TPRG1: variants seen among roughly 807,000 people sequenced by gnomAD.
TPRG1 encodes tumor protein p63-regulated gene 1 protein.
A neutral mutation model predicts 29.3 loss-of-function variants in TPRG1; 29 were observed. That is an observed-to-expected ratio of 0.99 (90% confidence interval 0.74 to 1.35). The LOEUF (loss-of-function observed/expected upper bound fraction) is 1.35. Ranked by LOEUF, TPRG1 falls within the 40% of genes most tolerant of loss-of-function variation. The probability of loss-of-function intolerance (pLI) is 0.00; values close to 1 mark genes in which losing one functional copy is unlikely to be tolerated. For missense variants in TPRG1, 327 were observed against 335.0 expected (o/e 0.98, Z 0.19); for synonymous variants, 130 against 116.8 (o/e 1.11, Z -0.73).
chr3:189,097,006 T>C (rs576877561), upstream of TPRG1, among the ~76,000 whole-genome samples: 5 of 152,350 alleles, frequency 3.3e-5, no homozygotes, highest in Admixed American at 3.3e-4. Context: ...TTGTACTCAG[T>C]TATATTAAAA....
chr3:189,033,222 C>G (rs953340025), intron 4 of TPRG1, among the ~76,000 whole-genome samples: 2 of 150,986 alleles, frequency 1.3e-5, no homozygotes, highest in Non-Finnish European at 2.9e-5. Flanking sequence ...TTCTCTATTA[C>G]TACAGAAAAA....
chr3:189,287,243 A>G (rs1454212413), intron 4 of TPRG1, among the ~76,000 whole-genome samples: 2 of 152,040 alleles, frequency 1.3e-5, no homozygotes, highest in Non-Finnish European at 2.9e-5. Context: ...TGAAGAAAAG[A>G]TCTTCCTTGG....
intron 4 of TPRG1, among the ~76,000 whole-genome samples, chr3:189,262,002 T>C (rs1043472549): frequency 3.3e-5 from 5 of 152,066 alleles, no homozygotes; most frequent in Admixed American, 6.6e-5. Context: ...TTGAAGGTTT[T>C]TGGGGAGGAG....
At chr3:189,215,168 A>T in intron 2 of TPRG1, 124 bp from the exon 3 acceptor site, 1 of 669,704 alleles carries the variant, frequency 1.5e-6, no homozygotes, top group South Asian at 2.6e-5. Flanking sequence ...GCATACAGGC[A>T]ACTGCATAAA....
chr3:189,241,028 G>A lies in TPRG1; in HGVS notation c.479+2119G>A, dbSNP rs527247867. The stretch of plus-strand genomic sequence containing the variant: ...TCATTGATGTATATCTATTTTTACC[G>A]TTGCTACTACAAAGTGCTGCTACAA... On this transcript the variant is annotated intron_variant, in intron 4 of 5. Coordinates refer to ENST00000345063, the MANE Select transcript of TPRG1 (RefSeq NM_198485.4). 1.2e-4 allele frequency among the ~76,000 whole-genome samples: 18 copies of A among 152,082 alleles called. No homozygotes were observed. The East Asian group carries it at 2.3e-3, about 20-fold the overall frequency.
At chr3:189,008,487 T>A (rs1472746697) in intron 3 of TPRG1, among the ~76,000 whole-genome samples, 4 of 152,162 alleles carry the variant, frequency 2.6e-5, no homozygotes, top group African/African-American at 9.7e-5. Context: ...GTAGTGGAAA[T>A]AACCTTGGCC....
intron 3 of TPRG1, among the ~76,000 whole-genome samples, chr3:189,232,302 C>T (rs555141570): frequency 3.0e-4 from 46 of 152,298 alleles, no homozygotes; most frequent in Middle Eastern, 3.4e-3. Context: ...TGAGTCCTTT[C>T]CTTGTGAACA....
chr3:189,167,609 C>G (rs1366467672), upstream of TPRG1, among the ~76,000 whole-genome samples: 2 of 152,170 alleles, frequency 1.3e-5, no homozygotes, highest in African/African-American at 4.8e-5. Flanking sequence ...AAACCAAGCA[C>G]AAGGCCCTTC....
chr3:189,222,681 C>G (rs1163464692), intron 3 of TPRG1, among the ~76,000 whole-genome samples: 5 of 152,190 alleles, frequency 3.3e-5, no homozygotes, highest in Non-Finnish European at 5.9e-5. Flanking sequence ...CATGTTCATG[C>G]ATAAGAATTT....
At chr3:189,173,645 G>T (rs1299927912) in intron 1 of TPRG1, among the ~76,000 whole-genome samples, 1 of 152,000 alleles carries the variant, frequency 6.6e-6, no homozygotes, top group East Asian at 1.9e-4. Flanking sequence ...GAGAAACTGA[G>T]GCCCAGAAAG....
At chr3:189,255,452 G>A (rs949911780) in intron 4 of TPRG1, among the ~76,000 whole-genome samples, 1 of 152,130 alleles carries the variant, frequency 6.6e-6, no homozygotes, top group Non-Finnish European at 1.5e-5. Flanking sequence ...TTTTCACATC[G>A]ATGTTCATCA....
chr3:189,309,681 T>C (rs548081478), intron 4 of TPRG1, among the ~76,000 whole-genome samples: 1 of 152,302 alleles, frequency 6.6e-6, no homozygotes, highest in East Asian at 1.9e-4. Context: ...GCTTACTTTC[T>C]CTTGCTCTGC....
chr3:189,014,669 T>C (rs1448892183), intron 3 of TPRG1, among the ~76,000 whole-genome samples: 1 of 152,108 alleles, frequency 6.6e-6, no homozygotes, highest in Non-Finnish European at 1.5e-5. Context: ...TCTCACAAGA[T>C]ATTGTCATTT....
intron 3 of TPRG1, among the ~76,000 whole-genome samples, chr3:189,223,635 CAA>C (rs1467229978): frequency 6.6e-6 from 1 of 152,128 alleles, no homozygotes; most frequent in Non-Finnish European, 1.5e-5. Context: ...CAGAAAAAGT[CAA>C]GAGGTGAAAG....
At chr3:189,289,010 A>G (rs997059686) in intron 4 of TPRG1, among the ~76,000 whole-genome samples, 11 of 152,220 alleles carry the variant, frequency 7.2e-5, no homozygotes, top group African/African-American at 2.7e-4. Context: ...TGTACTGTGT[A>G]TTAGAGGGTA....
At chr3:189,271,962 C>T (rs1483180336) in intron 4 of TPRG1, among the ~76,000 whole-genome samples, 3 of 152,158 alleles carry the variant, frequency 2.0e-5, no homozygotes, top group Non-Finnish European at 4.4e-5. Context: ...GTGGGTATAT[C>T]GAAAAGCCTA....
intron 3 of TPRG1, among the ~76,000 whole-genome samples, chr3:189,238,499 A>G (rs1048475785): frequency 6.6e-6 from 1 of 152,154 alleles, no homozygotes; most frequent in Non-Finnish European, 1.5e-5. Context: ...GTAATCAACT[A>G]TCTTTGAGTT....
chr3:189,097,718 C>T (rs987335229), upstream of TPRG1, among the ~76,000 whole-genome samples: 10 of 152,026 alleles, frequency 6.6e-5, no homozygotes, highest in Non-Finnish European at 1.5e-4. Flanking sequence ...GTGCTAAGGC[C>T]CCAGCAATTT....
intron 1 of TPRG1, among the ~76,000 whole-genome samples, chr3:189,204,977 A>AC (rs1734103802): frequency 6.7e-6 from 1 of 150,146 alleles, no homozygotes; most frequent in Admixed American, 6.6e-5. Flanking sequence ...ACACACACAC[A>AC]TACACTCTTT....
Sources: allele counts gnomAD v4.1 joint callset (sites outside exome capture counted in the v4.1 genomes callset), GRCh38; gene constraint gnomAD v4.1.1; transcripts MANE v1.5; gene names NCBI Gene and HGNC (gene_info 2026-07-23, HGNC 2026-07-21).